STPG2: variants seen among roughly 807,000 people sequenced by gnomAD.
STPG2 encodes the protein sperm tail PG-rich repeat containing 2.
In STPG2, 56 loss-of-function variants were observed where a neutral mutation model predicts 54.2. That is an observed-to-expected ratio of 1.03 (90% confidence interval 0.83 to 1.29). STPG2 has a LOEUF of 1.29. Ranked by LOEUF, STPG2 falls within the 50% of genes most tolerant of loss-of-function variation. The pLI, the probability that STPG2 is intolerant of heterozygous loss-of-function variation, is 0.00. For synonymous variants in STPG2, 200 were observed against 181.8 expected, an observed-to-expected ratio of 1.10 and a Z score of -0.81; for missense variants, 596 against 544.9, an observed-to-expected ratio of 1.09 and a Z score of -0.93.
In STPG2 at chr4:97,964,921, T is replaced by C. The variant is rs184320356; in HGVS notation, c.933+7359A>G. Reference sequence around the variant, plus strand: ...CTCTGGTCTGCAGCTCCCAGTGTGATTGAGGCAGAAGGCAGGTGACTTCTG... The same window carrying C: ...CTCTGGTCTGCAGCTCCCAGTGTGACTGAGGCAGAAGGCAGGTGACTTCTG... On this transcript the variant is annotated intron_variant, in intron 7 of 10. Coordinates refer to ENST00000295268, the MANE Select transcript of STPG2 (RefSeq NM_174952.3). Among the ~76,000 whole-genome samples the C allele has an allele frequency of 4.2e-3, 645 of 152,252 alleles. 3 individuals are homozygous for C. Among genetic ancestry groups the C allele is most frequent in the South Asian group, 0.025 (119 of 4,810 alleles).
intron 10 of STPG2, chr4:97,633,438 A>G (rs975467291): frequency 2.0e-5 from 3 of 152,192 alleles, no homozygotes; most frequent in African/African-American, 7.2e-5. Context: ...TTTGTTTATA[A>G]ATGAAACATA....
chr4:97,783,536 A>T (rs1726721532), intron 9 of STPG2, among the ~76,000 whole-genome samples: 1 of 152,214 alleles, frequency 6.6e-6, no homozygotes. Context: ...AAGGATCTAG[A>T]ACTAGAAATA....
Position 98,068,399 on chromosome 4 carries a change from T to G in STPG2, c.612+37554A>C, listed in dbSNP as rs528497357. On this transcript the variant is annotated intron_variant, in intron 5 of 10. Coordinates refer to ENST00000295268, the MANE Select transcript of STPG2 (RefSeq NM_174952.3). ...TCTAAGGACAGAGACTACATGTACATTTGTTCACCATTGTATCTCCAGAGG... is the reference window on the plus strand; with the variant it reads ...TCTAAGGACAGAGACTACATGTACAGTTGTTCACCATTGTATCTCCAGAGG... Among the ~76,000 whole-genome samples, 517 of 152,304 alleles carry G rather than the reference T, an allele frequency of 3.4e-3. 2 individuals are homozygous for G. Among genetic ancestry groups the G allele is most frequent in the African/African-American group, 0.012 (495 of 41,578 alleles).
At chr4:97,769,423 C>G (rs1209517422) in intron 9 of STPG2, among the ~76,000 whole-genome samples, 2 of 152,016 alleles carry the variant, frequency 1.3e-5, no homozygotes, top group African/African-American at 2.4e-5. Context: ...CCAGCTTTTC[C>G]CAGACAAAAG....
intron 9 of STPG2, among the ~76,000 whole-genome samples, chr4:97,809,478 T>A (rs2149095975): frequency 6.6e-6 from 1 of 152,358 alleles, no homozygotes; most frequent in Non-Finnish European, 1.5e-5. Context: ...CTGAATGAGC[T>A]GGACCCAATT....
intron 8 of STPG2, among the ~76,000 whole-genome samples, chr4:97,939,770 C>T (rs1435258744): frequency 1.3e-5 from 2 of 152,088 alleles, no homozygotes; most frequent in African/African-American, 2.4e-5. Context: ...TCTTTCTGTG[C>T]CTTTTAACTG....
chr4:97,801,984 CAGG>C (rs1727415708), intron 9 of STPG2, among the ~76,000 whole-genome samples: 1 of 152,190 alleles, frequency 6.6e-6, no homozygotes, highest in East Asian at 1.9e-4. Context: ...TTAGAATCAC[CAGG>C]AGGACTTGTT....
intron 8 of STPG2, among the ~76,000 whole-genome samples, chr4:97,934,601 GT>G (rs1317153752): frequency 6.6e-6 from 1 of 152,052 alleles, no homozygotes; most frequent in African/African-American, 2.4e-5. Flanking sequence ...GGCCTTTTCT[GT>G]GTTTATTGAA....
chr4:97,812,483 G>A (rs1277701417), intron 9 of STPG2, among the ~76,000 whole-genome samples: 1 of 152,044 alleles, frequency 6.6e-6, no homozygotes. Context: ...GTATATCTAA[G>A]AGGCTTTTCA....
At chr4:97,804,320 G>C (rs1032503191) in intron 9 of STPG2, among the ~76,000 whole-genome samples, 1 of 152,074 alleles carries the variant, frequency 6.6e-6, no homozygotes, top group African/African-American at 2.4e-5. Context: ...CCCATAAAAT[G>C]ATAATGGAGC....
At chr4:97,450,326 T>G (rs771847779) in intron 4 of STPG2, among the ~76,000 whole-genome samples, 10 of 152,162 alleles carry the variant, frequency 6.6e-5, no homozygotes, top group Non-Finnish European at 8.8e-5. Context: ...TATCAGGCAC[T>G]CTACAAAGAT....
chr4:97,896,726 A>T (rs1479095363), intron 8 of STPG2, among the ~76,000 whole-genome samples: 1 of 151,808 alleles, frequency 6.6e-6, no homozygotes, highest in Non-Finnish European at 1.5e-5. Context: ...TGTAAAAATT[A>T]AATGTTAATG....
chr4:97,741,335 AT>A (rs1725225622), intron 9 of STPG2, among the ~76,000 whole-genome samples: 1 of 152,188 alleles, frequency 6.6e-6, no homozygotes. Flanking sequence ...ACCAAAAGCA[AT>A]GGCAACAAAA....
chr4:98,087,278 A>G (rs143293867), intron 5 of STPG2, among the ~76,000 whole-genome samples: 233 of 152,300 alleles, frequency 1.5e-3, no homozygotes, highest in African/African-American at 5.5e-3. Context: ...CTATCAGAAT[A>G]ACCTAAAAAC....
At chr4:97,693,383 G>T (rs1045832073) in intron 10 of STPG2, among the ~76,000 whole-genome samples, 1 of 152,038 alleles carries the variant, frequency 6.6e-6, no homozygotes, top group Admixed American at 6.5e-5. Context: ...AGCAGGAATA[G>T]CTATTCTTAT....
At chr4:98,101,869 C>CG (rs1385336300) in intron 5 of STPG2, among the ~76,000 whole-genome samples, 1 of 148,876 alleles carries the variant, frequency 6.7e-6, no homozygotes, top group African/African-American at 2.5e-5. Context: ...TTATCTTCCC[C>CG]CTCCCCCCCG....
intron 4 of STPG2, chr4:97,463,408 T>C (rs1006236890): frequency 6.6e-6 from 1 of 152,100 alleles, no homozygotes; most frequent in Non-Finnish European, 1.5e-5. Flanking sequence ...AGTTTCTGTA[T>C]ATACTATACC....
chr4:97,498,323 G>A lies in STPG2; in HGVS notation c.462+214376C>T, dbSNP rs550317445. 3.3e-5 allele frequency among the ~76,000 whole-genome samples: 5 copies of A among 151,954 alleles called. No homozygotes were observed. The East Asian group carries it at 7.8e-4, about 24-fold the overall frequency. On this transcript the variant is annotated intron_variant, in intron 4 of 4. Transcript: ENST00000522676. Reference sequence around the variant, plus strand: ...GGTATGTGTCATTTTTATGTAAGATGTTAAAAGAATTTTAATACAAAGTCC... The same window carrying A: ...GGTATGTGTCATTTTTATGTAAGATATTAAAAGAATTTTAATACAAAGTCC...
At chr4:97,719,183 C>G (rs1483539100) in intron 9 of STPG2, among the ~76,000 whole-genome samples, 1 of 151,898 alleles carries the variant, frequency 6.6e-6, no homozygotes, top group African/African-American at 2.4e-5. Flanking sequence ...TTAATAATGT[C>G]TACTTTCAAA....
Sources: gnomAD v4.1 joint callset for allele counts (sites outside exome capture counted in the v4.1 genomes callset) on GRCh38, gnomAD v4.1.1 for gene constraint, MANE v1.5 for transcripts, NCBI Gene and HGNC (gene_info 2026-07-23, HGNC 2026-07-21) for gene names.